Variants in KCNMA1 observed in about 807,000 individuals in gnomAD.
The protein encoded by KCNMA1 is Calcium-activated potassium channel subunit alpha-1.
KCNMA1 carries 29 observed loss-of-function variants against 140.0 expected under a neutral mutation model. The ratio of observed to expected loss-of-function variants is 0.21; its 90% CI spans 0.15 to 0.28. KCNMA1 has a LOEUF of 0.28. KCNMA1 is among the 10% of genes least tolerant of loss of function. The pLI is 1.00. For missense variants in KCNMA1, 880 were observed against 1,602.2 expected (o/e 0.55, Z 7.70); for synonymous variants, 612 against 611.9 (o/e 1.00, Z 0.00).
Position 77,636,399 on chromosome 10 carries a change from A to T in KCNMA1, c.378+866T>A, listed in dbSNP as rs774180544. ...GCACCAGGAATAGCTAAAGCCGACG[A>T]CATCTAGCCACCTCGAGCGCCAGGG... On this transcript the variant is annotated intron_variant, in intron 1 of 27. Transcript: ENST00000286628. The T allele has an allele frequency of 3.3e-6, 5 of 1,535,960 alleles. No homozygotes were observed. The South Asian group carries it at 5.9e-5, about 18-fold the overall frequency.
intron 1 of KCNMA1, among the ~76,000 whole-genome samples, chr10:77,491,105 G>A (rs1284650477): frequency 3.9e-5 from 6 of 152,144 alleles, no homozygotes; most frequent in South Asian, 2.1e-4. Context: ...GAAAACCAAC[G>A]CTGGCTCTCA....
intron 20 of KCNMA1, among the ~76,000 whole-genome samples, chr10:76,964,484 T>C (rs1004835027): frequency 1.3e-5 from 2 of 152,078 alleles, no homozygotes; most frequent in African/African-American, 4.8e-5. Flanking sequence ...ACCTGTGTGG[T>C]CCACCCAAGC....
chr10:77,394,351 G>A (rs1454933456), intron 2 of KCNMA1, among the ~76,000 whole-genome samples: 3 of 152,190 alleles, frequency 2.0e-5, no homozygotes, highest in South Asian at 2.1e-4. Context: ...TTTACAGGGC[G>A]TGCCGGAGAG....
intron 15 of KCNMA1, among the ~76,000 whole-genome samples, chr10:77,038,613 C>T (rs1048208939): frequency 2.0e-5 from 3 of 152,098 alleles, no homozygotes; most frequent in African/African-American, 7.2e-5. Context: ...AATCAACCTC[C>T]TGGGCAGCCT....
chr10:77,110,440 G>GCTA, intron 7 of KCNMA1, 97 bp from the exon 8 acceptor site: 1 of 998,852 alleles, frequency 1.0e-6, no homozygotes, highest in South Asian at 1.3e-5. Flanking sequence ...AAGGCCACTT[G>GCTA]CTACTGCACA....
chr10:77,126,384 G>C (rs1490162380), intron 5 of KCNMA1, among the ~76,000 whole-genome samples: 1 of 152,060 alleles, frequency 6.6e-6, no homozygotes, highest in African/African-American at 2.4e-5. Context: ...TCCATGCTCT[G>C]TATTGGTTTA....
intron 1 of KCNMA1, among the ~76,000 whole-genome samples, chr10:77,444,662 C>G (rs1033408558): frequency 1.1e-4 from 16 of 152,114 alleles, no homozygotes; most frequent in African/African-American, 2.4e-4. Flanking sequence ...GGGTGGTTAT[C>G]AATTCCAGGC....
chr10:77,006,742 G>C (rs2088853305), intron 18 of KCNMA1, among the ~76,000 whole-genome samples: 1 of 152,200 alleles, frequency 6.6e-6, no homozygotes, highest in African/African-American at 2.4e-5. Flanking sequence ...GTTGTTGGTT[G>C]ATTGACACCA....
intron 18 of KCNMA1, among the ~76,000 whole-genome samples, chr10:77,007,653 G>GTGTGTGTATATGTATATATATATATA: frequency 1.1e-5 from 1 of 88,482 alleles, no homozygotes; most frequent in Non-Finnish European, 2.3e-5. Flanking sequence ...TTGTGTGTGT[G>GTGTGTGTATATGTATATATATATATA]TATATATATA....
chr10:77,010,918 C>A (rs548128515), intron 18 of KCNMA1, among the ~76,000 whole-genome samples: 1 of 152,064 alleles, frequency 6.6e-6, no homozygotes, highest in South Asian at 2.1e-4. Context: ...TGTTAGAGCA[C>A]CCAGAGAATC....
chr10:77,290,843 G>A (rs1427005030), intron 2 of KCNMA1, among the ~76,000 whole-genome samples: 1 of 152,202 alleles, frequency 6.6e-6, no homozygotes, highest in East Asian at 1.9e-4. Flanking sequence ...TAAACCCAGT[G>A]CTGTGAATTG....
intron 13 of KCNMA1, among the ~76,000 whole-genome samples, chr10:77,076,085 T>A (rs1323136973): frequency 6.6e-6 from 1 of 151,922 alleles, no homozygotes; most frequent in East Asian, 1.9e-4. Flanking sequence ...TCTCACTACA[T>A]ACAATTTTGG....
intron 2 of KCNMA1, among the ~76,000 whole-genome samples, chr10:77,395,878 G>A (rs1469322719): frequency 6.6e-6 from 1 of 152,146 alleles, no homozygotes; most frequent in East Asian, 1.9e-4. Flanking sequence ...TCTCATCTGG[G>A]TAAATGATGT....
chr10:76,927,805 G>T (rs544439200), intron 23 of KCNMA1, among the ~76,000 whole-genome samples: 3 of 152,164 alleles, frequency 2.0e-5, no homozygotes, highest in South Asian at 2.1e-4. Context: ...TAGTTTTGTT[G>T]TTGGTAATTA....
chr10:77,335,363 T>A (rs1285340732), intron 2 of KCNMA1, among the ~76,000 whole-genome samples: 1 of 152,184 alleles, frequency 6.6e-6, no homozygotes, highest in Non-Finnish European at 1.5e-5. Context: ...CCACAAGCAC[T>A]AAAATAAGAT....
intron 1 of KCNMA1, among the ~76,000 whole-genome samples, chr10:77,620,292 G>A (rs1009995436): frequency 6.6e-6 from 1 of 152,190 alleles, no homozygotes; most frequent in Non-Finnish European, 1.5e-5. Flanking sequence ...CTGGTAAGGA[G>A]ACTGCTGTGG....
intron 20 of KCNMA1, among the ~76,000 whole-genome samples, chr10:76,960,403 A>G (rs1046817330): frequency 1.6e-4 from 25 of 152,070 alleles, no homozygotes; most frequent in Middle Eastern, 3.4e-3. Context: ...AGCCAGGCAG[A>G]TGGTGCACGC....
chr10:76,920,020 G>GTGTGTGTGTGTGTATATA (rs1177257916), intron 23 of KCNMA1, among the ~76,000 whole-genome samples: 5 of 34,430 alleles, frequency 1.5e-4, no homozygotes, highest in African/African-American at 5.3e-4. Flanking sequence ...GTGTGTGTGT[G>GTGTGTGTGTGTGTATATA]TATATATATA....
chr10:77,343,680 G>A (rs568986773), intron 2 of KCNMA1, among the ~76,000 whole-genome samples: 72 of 152,310 alleles, frequency 4.7e-4, no homozygotes, highest in Non-Finnish European at 8.7e-4. Flanking sequence ...GACAATTTCA[G>A]AGAATGCCAA....
Sources: allele counts gnomAD v4.1 joint callset (sites outside exome capture counted in the v4.1 genomes callset), GRCh38; gene constraint gnomAD v4.1.1; transcripts MANE v1.5; gene names NCBI Gene and HGNC (gene_info 2026-07-23, HGNC 2026-07-21).